Variants in LMO7 observed in about 807,000 individuals in gnomAD.
The protein encoded by LMO7 is LIM domain only protein 7.
Under a neutral mutation model 206.5 loss-of-function variants are expected in LMO7, and 120 were observed. The observed-to-expected ratio is 0.58, with a 90% CI of 0.50 to 0.68. The LOEUF (loss-of-function observed/expected upper bound fraction) is 0.68, where lower values mean the gene tolerates loss of function less well. Among genes scored for constraint, LMO7 ranks in the 30% least tolerant of loss-of-function variants. LMO7 has a pLI of 0.00. For missense variants in LMO7, 1,959 were observed against 1,957.9 expected (o/e 1.00, Z -0.01); for synonymous variants, 706 against 681.5 (o/e 1.04, Z -0.56).
chr13:75,853,451 C>A (rs539096523), intron 28 of LMO7, 63 bp downstream of exon 28: 15 of 1,398,012 alleles, frequency 1.1e-5, no homozygotes, highest in Middle Eastern at 5.3e-4. Context: ...TAAAATATCC[C>A]CCAAATCCTG....
intron 1 of LMO7, among the ~76,000 whole-genome samples, chr13:75,679,096 C>G (rs1232288890): frequency 1.3e-5 from 2 of 152,160 alleles, no homozygotes; most frequent in African/African-American, 4.8e-5. Flanking sequence ...TTTTTCCCCC[C>G]TTTCTTTTCA....
At chr13:75,790,822 A>G (rs1168760165) in intron 4 of LMO7, among the ~76,000 whole-genome samples, 1 of 152,170 alleles carries the variant, frequency 6.6e-6, no homozygotes, top group Non-Finnish European at 1.5e-5. Flanking sequence ...TATCAGAGCT[A>G]TTCCATTAAT....
chr13:75,756,678 C>T (rs1478638939), intron 3 of LMO7, among the ~76,000 whole-genome samples: 1 of 152,172 alleles, frequency 6.6e-6, no homozygotes, highest in Non-Finnish European at 1.5e-5. Flanking sequence ...ACACCTGTCA[C>T]TCTATTGCAT....
At chr13:75,842,442 C>A (rs2059624665) in intron 24 of LMO7, among the ~76,000 whole-genome samples, 2 of 151,998 alleles carry the variant, frequency 1.3e-5, no homozygotes, top group Admixed American at 6.6e-5. Flanking sequence ...TTCTAGAATA[C>A]CTGATTTAAA....
intron 15 of LMO7, among the ~76,000 whole-genome samples, chr13:75,831,047 T>C (rs1328500123): frequency 6.6e-6 from 1 of 152,114 alleles, no homozygotes; most frequent in Admixed American, 6.6e-5. Context: ...CACTGAGTCA[T>C]CTCTAACTTA....
rs149101910 is a variant in LMO7, at chr13:75,787,589, CAATT to C, written c.318-7809_318-7806del. 5.1e-3 allele frequency among the ~76,000 whole-genome samples: 783 copies of C among 152,264 alleles called. 8 individuals carry two copies. Among genetic ancestry groups the C allele is most frequent in the African/African-American group, 0.016 (656 of 41,562 alleles). On this transcript the variant is annotated intron_variant, in intron 4 of 30. Coordinates refer to ENST00000377534, the MANE Select transcript of LMO7 (RefSeq NM_001306080.2). ...GTGTTGAATTTCTAAGTTTTTTTCT[CAATT>C]AAGTAAGTACAGAAATCGTCAGGTT...
chr13:75,769,066 G>A (rs985749803), intron 4 of LMO7, among the ~76,000 whole-genome samples: 5 of 152,046 alleles, frequency 3.3e-5, no homozygotes, highest in African/African-American at 1.2e-4. Context: ...AAGAAACTGG[G>A]AAGTATAATA....
At chr13:75,774,104 A>G (rs1473743874) in intron 4 of LMO7, among the ~76,000 whole-genome samples, 3 of 151,928 alleles carry the variant, frequency 2.0e-5, no homozygotes, top group Admixed American at 6.6e-5. Context: ...GGTATCATTT[A>G]CCTATAACAA....
chr13:75,626,595 A>ATATATTTTTTTTTTTTTTTT, intron 2 of LMO7, among the ~76,000 whole-genome samples: 14 of 71,176 alleles, frequency 2.0e-4, no homozygotes, highest in East Asian at 1.8e-3. Flanking sequence ...ATATATATAA[A>ATATATTTTTTTTTTTTTTTT]TTTTTTTGAG....
chr13:75,821,110 A>G, intron 13 of LMO7, 67 bp from the exon 14 acceptor site: 2 of 1,249,698 alleles, frequency 1.6e-6, no homozygotes, highest in Non-Finnish European at 2.2e-6. Flanking sequence ...TGCGTTGATT[A>G]CTCTCTCACC....
intron 3 of LMO7, among the ~76,000 whole-genome samples, chr13:75,734,670 A>G (rs982142492): frequency 6.6e-6 from 1 of 152,238 alleles, no homozygotes; most frequent in Non-Finnish European, 1.5e-5. Flanking sequence ...AATTTTTAAT[A>G]ATTTTATTTC....
chr13:75,735,386 T>C (rs1021386580), intron 3 of LMO7, among the ~76,000 whole-genome samples: 3 of 151,970 alleles, frequency 2.0e-5, no homozygotes, highest in African/African-American at 4.8e-5. Context: ...CACACACAAC[T>C]TTCTACTAGT....
At chr13:75,752,579 C>T (rs2047360313) in intron 3 of LMO7, among the ~76,000 whole-genome samples, 1 of 152,186 alleles carries the variant, frequency 6.6e-6, no homozygotes, top group Non-Finnish European at 1.5e-5. Flanking sequence ...TCCCATCATC[C>T]ACCCCCTTCC....
chr13:75,713,878 A>G (rs147404442), intron 2 of LMO7, among the ~76,000 whole-genome samples: 2 of 152,320 alleles, frequency 1.3e-5, no homozygotes, highest in African/African-American at 4.8e-5. Context: ...TGCATAGTAC[A>G]GTTAGTCAAG....
chr13:75,823,999 T>C (rs774890436), intron 15 of LMO7, 126 bp downstream of exon 15: 1 of 737,748 alleles, frequency 1.4e-6, no homozygotes, highest in Non-Finnish European at 2.2e-6. Context: ...AATGATATTC[T>C]GGTTTACTTT....
intron 1 of LMO7, among the ~76,000 whole-genome samples, chr13:75,678,463 T>A (rs1313504467): frequency 1.3e-5 from 2 of 152,256 alleles, no homozygotes; most frequent in African/African-American, 4.8e-5. Context: ...GTTCATATCC[T>A]TCGCCCTGTC....
At chr13:75,798,662 A>C (rs539077160) in intron 6 of LMO7, among the ~76,000 whole-genome samples, 1 of 152,356 alleles carries the variant, frequency 6.6e-6, no homozygotes, top group African/African-American at 2.4e-5. Context: ...ATCAAAACCA[A>C]TGTGTTCATC....
At chr13:75,643,186 G>C (rs1307027759) in intron 1 of LMO7, among the ~76,000 whole-genome samples, 1 of 152,160 alleles carries the variant, frequency 6.6e-6, no homozygotes, top group Non-Finnish European at 1.5e-5. Context: ...TGCCGAGAGT[G>C]CTTTGGGTAG....
chr13:75,776,160 CGGATATATATATATATATATATAT>C (rs2050379610), intron 4 of LMO7, among the ~76,000 whole-genome samples: 1 of 27,978 alleles, frequency 3.6e-5, no homozygotes, highest in Non-Finnish European at 8.1e-5. Flanking sequence ...GTATATATAT[CGGATATATATATATATATATATAT>C]ATATATATAT....
Sources: allele counts gnomAD v4.1 joint callset (sites outside exome capture counted in the v4.1 genomes callset), GRCh38; gene constraint gnomAD v4.1.1; transcripts MANE v1.5; gene names NCBI Gene and HGNC (gene_info 2026-07-23, HGNC 2026-07-21).